The following NEXMIF variants were observed in gnomAD, a reference collection of about 807,000 sequenced individuals.
The protein encoded by NEXMIF is XLMR protein related to neurite extension.
In NEXMIF, 8 loss-of-function variants were observed where a neutral mutation model predicts 62.1. The observed-to-expected ratio is 0.13, with a 90% confidence interval of 0.08 to 0.23. The LOEUF is 0.23. NEXMIF is among the 10% of genes least tolerant of loss of function. The probability of loss-of-function intolerance (pLI) is 1.00; values close to 1 mark genes in which losing one functional copy is unlikely to be tolerated. For missense variants in NEXMIF, 976 were observed against 1,113.3 expected, an observed-to-expected ratio of 0.88 and a Z score of 1.75; for synonymous variants, 404 against 416.6, an observed-to-expected ratio of 0.97 and a Z score of 0.37.
In NEXMIF at chrX:74,834,489, G is replaced by A. The variant is rs112794544; in HGVS notation, c.-47-88792C>T. Among the ~76,000 whole-genome samples, 409 of 111,847 alleles carry A rather than the reference G, an allele frequency of 3.7e-3. 2 individuals are homozygous for A. Among genetic ancestry groups the A allele is most frequent in the Non-Finnish European group, 6.7e-3 (357 of 53,207 alleles). On this transcript the variant is annotated intron_variant, in intron 1 of 3. Coordinates refer to ENST00000055682, the MANE Select transcript of NEXMIF (RefSeq NM_001008537.3). ...CCCTGTAGCATTTGTTGTAGGACAG[G>A]TCTGGTGTTGAAATGCCCAGCTTTT...
intron 2 of NEXMIF, 81 bp downstream of exon 2, chrX:74,745,491 C>T: frequency 1.4e-6 from 1 of 699,486 alleles, no homozygotes; most frequent in Non-Finnish European, 2.3e-6. Flanking sequence ...CCTGTCCCAA[C>T]TTTGTGGGTA....
chrX:74,886,305 G>C (rs1223566299), intron 1 of NEXMIF, among the ~76,000 whole-genome samples: 1 of 111,500 alleles, frequency 9.0e-6, no homozygotes, highest in South Asian at 3.8e-4. Context: ...CTAGGGCAAT[G>C]AGGCAGGAGA....
intron 1 of NEXMIF, among the ~76,000 whole-genome samples, chrX:74,828,573 T>A (rs1176387934): frequency 1.2e-4 from 13 of 112,143 alleles, no homozygotes; most frequent in Non-Finnish European, 2.3e-4. Context: ...CTTCTTGGCA[T>A]AGGATGCCTT....
At chrX:74,751,541 G>T (rs1296382666) in intron 1 of NEXMIF, among the ~76,000 whole-genome samples, 4 of 104,332 alleles carry the variant, frequency 3.8e-5, no homozygotes, top group Non-Finnish European at 7.9e-5. Flanking sequence ...AGGCTGGAGT[G>T]CAGTGGCATG....
At chrX:74,788,037 T>C (rs894194789) in intron 1 of NEXMIF, among the ~76,000 whole-genome samples, 7 of 111,830 alleles carry the variant, frequency 6.3e-5, no homozygotes, top group African/African-American at 2.3e-4. Context: ...GAACCCAAAA[T>C]AGTAACATCT....
intron 1 of NEXMIF, among the ~76,000 whole-genome samples, chrX:74,797,574 G>C (rs971886786): frequency 8.9e-6 from 1 of 111,985 alleles, no homozygotes; most frequent in Non-Finnish European, 1.9e-5. Flanking sequence ...ATACAATTAG[G>C]GAGGAGAACA....
chrX:74,904,366 A>G (rs943328459), intron 1 of NEXMIF, among the ~76,000 whole-genome samples: 1 of 112,081 alleles, frequency 8.9e-6, no homozygotes, highest in Non-Finnish European at 1.9e-5. Context: ...ATCCCACGCC[A>G]TTGTTTTCCT....
intron 1 of NEXMIF, among the ~76,000 whole-genome samples, chrX:74,873,425 A>T (rs2080612647): frequency 8.9e-6 from 1 of 111,907 alleles, no homozygotes; most frequent in Admixed American, 9.5e-5. Context: ...AGTCTTTGCT[A>T]TTGTGAATAA....
At chrX:74,760,877 T>G (rs1602219248) in intron 1 of NEXMIF, among the ~76,000 whole-genome samples, 1 of 106,870 alleles carries the variant, frequency 9.4e-6, no homozygotes, top group East Asian at 2.9e-4. Context: ...TTTATTTATT[T>G]ATTTATTTAA....
rs1489911347 is a variant in NEXMIF at position 74,820,326 on chromosome X, AAAGTAT to A, written c.-47-74635_-47-74630del. 4.6e-5 allele frequency among the ~76,000 whole-genome samples: 5 copies of A among 109,392 alleles called. 1 individual carries two copies. The South Asian group carries it at 2.0e-3, about 44-fold the overall frequency. 95.0% of individuals were successfully genotyped at this position (109,392 alleles called of 115,157 possible). ...ATTGTGCACATGTACCCTAGAACTT[AAAGTAT>A]AATAATAATAATAATAATAATAACC... is the stretch of plus-strand genomic sequence containing the variant. On this transcript the variant is annotated intron_variant, in intron 1 of 3. Coordinates refer to ENST00000055682, the MANE Select transcript of NEXMIF (RefSeq NM_001008537.3).
chrX:74,826,584 T>G (rs2080418283), intron 1 of NEXMIF, among the ~76,000 whole-genome samples: 1 of 112,025 alleles, frequency 8.9e-6, no homozygotes, highest in South Asian at 3.7e-4. Flanking sequence ...CACTGTTAAT[T>G]GTTTCCTTTG....
Position 74,818,311 on chromosome X carries a change from T to G in NEXMIF, c.-47-72614A>C, listed in dbSNP as rs758854961. On this transcript the variant is annotated intron_variant, in intron 1 of 3. Coordinates refer to ENST00000055682, the MANE Select transcript of NEXMIF (RefSeq NM_001008537.3). ...GGAATCAGGTTAAAGAACCTAGAAA[T>G]AAAGCCGCACACCTACAACCATCTG... 4.1e-4 allele frequency among the ~76,000 whole-genome samples: 45 copies of G among 110,545 alleles called. 1 individual carries two copies. Among genetic ancestry groups the G allele is most frequent in the South Asian group, 3.9e-4 (1 of 2,586 alleles).
chrX:74,909,653 C>T (rs2080781378), intron 1 of NEXMIF, among the ~76,000 whole-genome samples: 1 of 112,118 alleles, frequency 8.9e-6, no homozygotes, highest in African/African-American at 3.2e-5. Flanking sequence ...ATCCCCAAGA[C>T]AATGGGGAAA....
intron 1 of NEXMIF, among the ~76,000 whole-genome samples, chrX:74,887,827 C>T (rs2080701875): frequency 8.9e-6 from 1 of 111,992 alleles, no homozygotes; most frequent in African/African-American, 3.2e-5. Context: ...AATCATGCTG[C>T]TATAAAGACA....
intron 1 of NEXMIF, among the ~76,000 whole-genome samples, chrX:74,856,543 C>T (rs1341721247): frequency 9.0e-6 from 1 of 110,972 alleles, no homozygotes; most frequent in Non-Finnish European, 1.9e-5. Flanking sequence ...GAACAATAGA[C>T]CACATATACA....
At chrX:74,907,334 A>ACCCCCCCCCCCC (rs56726810) in intron 1 of NEXMIF, among the ~76,000 whole-genome samples, 8 of 53,038 alleles carry the variant, frequency 1.5e-4, no homozygotes, top group Non-Finnish European at 2.4e-4. Flanking sequence ...AAGCAAGAGC[A>ACCCCCCCCCCCC]CCCCCCCCCC....
intron 1 of NEXMIF, among the ~76,000 whole-genome samples, chrX:74,917,353 G>C (rs2080810898): frequency 8.9e-6 from 1 of 111,748 alleles, no homozygotes; most frequent in African/African-American, 3.3e-5. Context: ...AGCCTACCCA[G>C]CCATGCTTCT....
intron 1 of NEXMIF, among the ~76,000 whole-genome samples, chrX:74,836,470 T>C (rs1175445471): frequency 8.9e-6 from 1 of 111,870 alleles, no homozygotes; most frequent in Non-Finnish European, 1.9e-5. Context: ...GTGCTGGTTA[T>C]TCAGGTCCCA....
At chrX:74,796,400 C>T in intron 1 of NEXMIF, among the ~76,000 whole-genome samples, 1 of 98,796 alleles carries the variant, frequency 1.0e-5, no homozygotes, top group Non-Finnish European at 2.0e-5. Flanking sequence ...CCAGTTATGT[C>T]CACTGAGAAA....
Sources: gnomAD v4.1 joint callset for allele counts (sites outside exome capture counted in the v4.1 genomes callset) on GRCh38, gnomAD v4.1.1 for gene constraint, MANE v1.5 for transcripts, NCBI Gene and HGNC (gene_info 2026-07-23, HGNC 2026-07-21) for gene names.